The following KHDRBS3 variants were observed in gnomAD, a reference collection of about 807,000 sequenced individuals.
KHDRBS3 encodes KH RNA binding domain containing, signal transduction associated 3.
KHDRBS3 carries 23 observed loss-of-function variants against 45.6 expected under a neutral mutation model. The observed-to-expected ratio is 0.50, with a 90% CI of 0.36 to 0.72. The LOEUF (loss-of-function observed/expected upper bound fraction) is 0.72, where lower values mean the gene tolerates loss of function less well. Among genes scored for constraint, KHDRBS3 ranks in the 30% least tolerant of loss-of-function variants. The pLI is 0.00. For synonymous variants in KHDRBS3, 162 were observed against 156.5 expected, an observed-to-expected ratio of 1.04 and a Z score of -0.26; for missense variants, 352 against 424.8, an observed-to-expected ratio of 0.83 and a Z score of 1.51.
chr8:135,653,546 T>TC (rs1309795233), intron 4 of KHDRBS3, among the ~76,000 whole-genome samples: 1 of 152,232 alleles, frequency 6.6e-6, no homozygotes, highest in East Asian at 1.9e-4. Flanking sequence ...GGTATGATAC[T>TC]CTTGCCATGC....
At chr8:135,585,939 A>G (rs1475663979) in intron 6 of KHDRBS3, among the ~76,000 whole-genome samples, 1 of 152,194 alleles carries the variant, frequency 6.6e-6, no homozygotes, top group Non-Finnish European at 1.5e-5. Flanking sequence ...AAGAAATATG[A>G]TAGTATTTGA....
intron 5 of KHDRBS3, among the ~76,000 whole-genome samples, chr8:135,578,329 T>C (rs1828043406): frequency 6.6e-6 from 1 of 152,172 alleles, no homozygotes; most frequent in Non-Finnish European, 1.5e-5. Flanking sequence ...CAGATTTTCT[T>C]CTGTGCTTTC....
intron 5 of KHDRBS3, among the ~76,000 whole-genome samples, chr8:135,561,165 ATTC>A (rs1827149287): frequency 6.6e-6 from 1 of 152,170 alleles, no homozygotes; most frequent in African/African-American, 2.4e-5. Flanking sequence ...TGGTGCTTGT[ATTC>A]TTCTATATCT....
At chr8:135,566,012 T>C (rs571510614) in intron 5 of KHDRBS3, among the ~76,000 whole-genome samples, 6 of 152,380 alleles carry the variant, frequency 3.9e-5, no homozygotes, top group African/African-American at 1.4e-4. Context: ...TAGAACCTTG[T>C]GTGTTTTGAG....
chr8:135,560,385 T>C (rs1347138053), intron 5 of KHDRBS3, among the ~76,000 whole-genome samples: 3 of 152,082 alleles, frequency 2.0e-5, no homozygotes, highest in East Asian at 1.9e-4. Context: ...ATTAACCCAG[T>C]GATATTTCAC....
intron 4 of KHDRBS3, among the ~76,000 whole-genome samples, chr8:135,653,157 C>G (rs183405778): frequency 6.6e-6 from 1 of 152,020 alleles, no homozygotes; most frequent in Non-Finnish European, 1.5e-5. Flanking sequence ...GTGAAGTGTG[C>G]GGGGATGGTG....
intron 7 of KHDRBS3, among the ~76,000 whole-genome samples, chr8:135,642,071 G>C (rs1326126594): frequency 2.6e-5 from 4 of 152,206 alleles, no homozygotes; most frequent in Middle Eastern, 3.2e-3. Flanking sequence ...TGATCATGTG[G>C]CAGCATGTTT....
chr8:135,486,899 G>T (rs761564802), intron 1 of KHDRBS3, among the ~76,000 whole-genome samples: 2 of 152,262 alleles, frequency 1.3e-5, no homozygotes, highest in East Asian at 3.9e-4. Flanking sequence ...TGAAAGATAC[G>T]TGTTTAAAAG....
chr8:135,643,146 A>G (rs1020431150), intron 7 of KHDRBS3, among the ~76,000 whole-genome samples: 2 of 152,036 alleles, frequency 1.3e-5, no homozygotes, highest in Non-Finnish European at 2.9e-5. Context: ...CTGCTTGTTG[A>G]CACCTAGATT....
chr8:135,637,563 C>G (rs1207776777), intron 7 of KHDRBS3, among the ~76,000 whole-genome samples: 1 of 152,168 alleles, frequency 6.6e-6, no homozygotes, highest in African/African-American at 2.4e-5. Flanking sequence ...TAGTACAGAA[C>G]TTAGTAATGT....
chr8:135,458,209 G>A (rs1821218543), intron 1 of KHDRBS3: 2 of 1,270,250 alleles, frequency 1.6e-6, no homozygotes, highest in Non-Finnish European at 2.0e-6. Flanking sequence ...AATCTTTGGG[G>A]ACTCGGGCAC....
rs1821163020 is a variant in KHDRBS3 at position 135,457,518 on chromosome 8, T to G, written c.-349T>G. On this transcript the variant is annotated 5_prime_UTR_variant, in exon 1 of 9. Transcript: ENST00000355849. This position sits in a 1 kb window ranked among gnomAD's most constrained non-coding sequence, Gnocchi z 4.4. ...CTGTGGCTCGGGTGCTGGCAGGTGC[T>G]GGCGGGACTGGCGGGGATCGCCGTG... 1 of 146,052 alleles carries G rather than the reference T, an allele frequency of 6.8e-6. No individual in the cohort carries two copies. Among genetic ancestry groups the G allele is most frequent in the South Asian group, 2.0e-4 (1 of 4,964 alleles). 9.0% of individuals were successfully genotyped at this position (146,052 alleles called of 1,614,324 possible).
At chr8:135,607,117 C>T in intron 7 of KHDRBS3, 80 bp downstream of exon 7, 1 of 1,126,618 alleles carries the variant, frequency 8.9e-7, no homozygotes, top group South Asian at 1.4e-5. Context: ...AAAAGTATGG[C>T]AGTCAGCTAG....
At chr8:135,571,075 A>G (rs1827679056) in intron 5 of KHDRBS3, among the ~76,000 whole-genome samples, 1 of 152,208 alleles carries the variant, frequency 6.6e-6, no homozygotes. Context: ...GGATGAACAG[A>G]CAAGAAATGC....
chr8:135,627,972 C>T (rs762449841), intron 7 of KHDRBS3, among the ~76,000 whole-genome samples: 1 of 152,170 alleles, frequency 6.6e-6, no homozygotes, highest in Non-Finnish European at 1.5e-5. Context: ...TCCATGTATT[C>T]TAGCCATGTG....
chr8:135,625,476 C>T, intron 7 of KHDRBS3: 1 of 782,246 alleles, frequency 1.3e-6, no homozygotes, highest in Non-Finnish European at 2.3e-6. Context: ...GGAGCCACAG[C>T]AGTTCTCTGT....
chr8:135,574,084 C>G (rs1827835077), intron 5 of KHDRBS3, among the ~76,000 whole-genome samples: 1 of 152,212 alleles, frequency 6.6e-6, no homozygotes, highest in Non-Finnish European at 1.5e-5. Context: ...GCTGTTCAGC[C>G]TTGCCCTGAA....
Position 135,644,950 on chromosome 8 carries a change from C to G in KHDRBS3, c.891-109C>G, listed in dbSNP as rs527784615. On this transcript the variant is annotated intron_variant, in intron 7 of 8. Coordinates refer to ENST00000355849, the MANE Select transcript of KHDRBS3 (RefSeq NM_006558.3). ...CTCGGTGGGAATTTCTTTGAATTTT[C>G]AGTCTTGCCCTTCATTAGTTGTCTT... 1.3e-5 allele frequency: 14 copies of G among 1,117,634 alleles called. No individual in the cohort carries two copies. In the East Asian group the frequency reaches 2.0e-4, roughly 16 times the overall value. The allele number at this position is 1,117,634 out of a possible 1,614,324, so 69.2% of individuals were successfully genotyped here.
At position 135,457,790 on chromosome 8, in the gene KHDRBS3, CGGGCGGGGTCGG is replaced by C. The variant is rs1821184518; in HGVS notation, c.-73_-62del. ...CCCCGGGTCCCCGCCGCTGGGGGCG[CGGGCGGGGTCGG>C]GGGTTGCCGGGCGCCGCCCCCCGTG... On this transcript the variant is annotated 5_prime_UTR_variant, in exon 1 of 9. Coordinates refer to ENST00000355849, the MANE Select transcript of KHDRBS3 (RefSeq NM_006558.3). The surrounding 1 kb of genome is among the most constrained non-coding windows in gnomAD (Gnocchi z 4.4). 3.7e-6 allele frequency: 3 copies of C among 810,248 alleles called. No individual in the cohort carries two copies. The highest frequency in any genetic ancestry group is 5.0e-6 in the Non-Finnish European group (3 of 595,720). The allele number at this position is 810,248 out of a possible 1,614,324, so 50.2% of individuals were successfully genotyped here.
Sources: gnomAD v4.1 joint callset for allele counts (sites outside exome capture counted in the v4.1 genomes callset) on GRCh38, gnomAD v4.1.1 for gene constraint, Gnocchi (gnomAD v3.1) non-coding constraint, MANE v1.5 for transcripts, NCBI Gene and HGNC (gene_info 2026-07-23, HGNC 2026-07-21) for gene names.